The following RASIP1 variants were observed in gnomAD, a reference collection of about 807,000 sequenced individuals.
RASIP1 encodes Ras interacting protein 1, also known as ras-interacting protein 1.
In RASIP1, 20 loss-of-function variants were observed where a neutral mutation model predicts 85.3. The ratio of observed to expected loss-of-function variants is 0.23; its 90% CI spans 0.17 to 0.34. The LOEUF (loss-of-function observed/expected upper bound fraction) is 0.34, where lower values mean the gene tolerates loss of function less well. RASIP1 is among the 10% of genes least tolerant of loss of function. RASIP1 has a pLI of 1.00. For missense variants in RASIP1, 1,170 were observed against 1,390.9 expected, an observed-to-expected ratio of 0.84 and a Z score of 2.53; for synonymous variants, 617 against 647.1, an observed-to-expected ratio of 0.95 and a Z score of 0.71.
rs375784788 is a variant in RASIP1, at chr19:48,724,914, G to A, written c.2174C>T (p.Thr725Ile). The A allele has an allele frequency of 3.9e-5, 63 of 1,614,212 alleles. No homozygotes were observed. Among genetic ancestry groups the A allele is most frequent in the Non-Finnish European group, 5.1e-5 (60 of 1,180,036 alleles). ...LPALLDSNPFTAGAELPGPGA... is the reference protein window; with the variant it reads ...LPALLDSNPFIAGAELPGPGA... ...AGGCCCCGGCAGCTCTGCACCAGCTGTGAAAGGGTTACTATCCAGGAGAGC... is the reference window on the plus strand; with the variant it reads ...AGGCCCCGGCAGCTCTGCACCAGCTATGAAAGGGTTACTATCCAGGAGAGC... The change falls in exon 9 of 12, where the codon ACA becomes ATA. Residue 725 changes from threonine (T) to isoleucine (I), a missense_variant. Physicochemically the swap from Thr to Ile is moderately conservative, Grantham distance 89 (BLOSUM62 -1). Coordinates refer to ENST00000222145, the MANE Select transcript of RASIP1 (RefSeq NM_017805.3). The surrounding 1 kb of genome is among the most constrained non-coding windows in gnomAD (Gnocchi z 4.6).
chr19:48,737,244 C>T (rs2033589923), intron 3 of RASIP1, among the ~76,000 whole-genome samples: 1 of 152,182 alleles, frequency 6.6e-6, no homozygotes, highest in Non-Finnish European at 1.5e-5. Context: ...TAGGATTTTA[C>T]TGAGATTAAC....
In RASIP1 at chr19:48,721,914, C is replaced by A; in HGVS notation, c.2632G>T (p.Gly878Cys). The change falls in exon 11 of 12, where the codon GGC becomes TGC. Residue 878 changes from glycine to cysteine, a missense_variant. Gly to Cys is a radical substitution (Grantham distance 159). Around this residue, in one of 4 missense-constraint regions of RASIP1, gnomAD observed 144 missense variants for 125.5 expected, o/e 1.15. Coordinates refer to ENST00000222145, the MANE Select transcript of RASIP1 (RefSeq NM_017805.3). Reference sequence around the variant, plus strand: ...TCCCACGCGGCTGGCGGCCCGCGGCCAGGGCCCAGCTGATAGTGGCTGAGC... The same window carrying A: ...TCCCACGCGGCTGGCGGCCCGCGGCAAGGGCCCAGCTGATAGTGGCTGAGC... ...HLLSHYQLGP[G>C]RGPPAAWDPP... 1 of 1,602,454 alleles carries A rather than the reference C, an allele frequency of 6.2e-7. No individual in the cohort carries two copies. Among genetic ancestry groups the A allele is most frequent in the Admixed American group, 1.7e-5 (1 of 58,244 alleles).
At position 48,739,155 on chromosome 19, in the gene RASIP1, G is replaced by T; in HGVS notation, c.628C>A (p.Arg210=). 7.1e-7 allele frequency: 1 copy of T among 1,406,352 alleles called. No individual in the cohort carries two copies. The highest frequency in any genetic ancestry group is 9.2e-7 in the Non-Finnish European group (1 of 1,086,486). The allele number at this position is 1,406,352 out of a possible 1,614,324, so 87.1% of individuals were successfully genotyped here. A position where few individuals can be genotyped will look rare whatever the true frequency, so the allele number is the denominator to read the frequency against. ...CTTCCCACGCCCGCCGCCGCGGGCC[G>T]GCCCAGAGCGTCGCACAAAGCGAAG... ...DAFALCDALG[R]PAAAGVGSGE... Residue 210 remains arginine (R), a synonymous_variant, in exon 3 of 12, where the codon CGG becomes AGG. Transcript: ENST00000222145. This position sits in a 1 kb window ranked among gnomAD's most constrained non-coding sequence, Gnocchi z 9.2.
At chr19:48,725,124 T>G (rs2033321028) in intron 8 of RASIP1, 164 bp from the exon 9 acceptor site, 1 of 738,100 alleles carries the variant, frequency 1.4e-6, no homozygotes, top group Non-Finnish European at 2.2e-6. Flanking sequence ...AATCCCTACT[T>G]GATAGAAGGG....
At chr19:48,730,669 T>A (rs1231567628) in intron 4 of RASIP1, among the ~76,000 whole-genome samples, 1 of 152,086 alleles carries the variant, frequency 6.6e-6, no homozygotes, top group African/African-American at 2.4e-5. Flanking sequence ...CTTCCAGATA[T>A]ATTTCCCCTT....
intron 10 of RASIP1, among the ~76,000 whole-genome samples, chr19:48,722,937 G>A (rs1002013797): frequency 6.6e-6 from 1 of 152,158 alleles, no homozygotes; most frequent in East Asian, 1.9e-4. Flanking sequence ...CCATGCTGGA[G>A]TACAGTGGCA....
chr19:48,735,793 CTTTTTTT>C (rs113487965), intron 3 of RASIP1, among the ~76,000 whole-genome samples: 86 of 145,316 alleles, frequency 5.9e-4, no homozygotes, highest in African/African-American at 2.1e-3. Context: ...ATTTGTTCTT[CTTTTTTT>C]TTTTTTTTAT....
chr19:48,736,238 ACC>A (rs2033569516), intron 3 of RASIP1, among the ~76,000 whole-genome samples: 1 of 150,754 alleles, frequency 6.6e-6, no homozygotes, highest in Non-Finnish European at 1.5e-5. Context: ...ACACGGTGAA[ACC>A]CCGTCTCTAC....
chr19:48,724,518 G>GT lies in RASIP1; in HGVS notation c.2372-10dup. 1.9e-6 allele frequency: 3 copies of GT among 1,612,366 alleles called. No homozygotes were observed. The highest frequency in any genetic ancestry group is 2.5e-6 in the Non-Finnish European group (3 of 1,178,694). ...GAAAGGCCGGCCTTGACCTGTGGGT[G>GT]TTAAAGGTATGAGAGGCAGTTGGTT... On this transcript the variant is annotated splice_polypyrimidine_tract_variant and intron_variant, in intron 9 of 11. Transcript: ENST00000222145. The surrounding 1 kb of genome is among the most constrained non-coding windows in gnomAD (Gnocchi z 4.6).
Position 48,724,088 on chromosome 19 carries a change from G to A in RASIP1, c.2544+249C>T, listed in dbSNP as rs1189208754. Among the ~76,000 whole-genome samples, 1 of 152,216 alleles carries A rather than the reference G, an allele frequency of 6.6e-6. No homozygotes were observed. The highest frequency in any genetic ancestry group is 1.5e-5 in the Non-Finnish European group (1 of 68,036). On this transcript the variant is annotated intron_variant, in intron 10 of 11. Coordinates refer to ENST00000222145, the MANE Select transcript of RASIP1 (RefSeq NM_017805.3). This position sits in a 1 kb window ranked among gnomAD's most constrained non-coding sequence, Gnocchi z 4.6. ...CTCCCAAAGTGTTGGGATTATAGGC[G>A]CGAGCCACTGCTCCTGGCCTGGAAA...
At position 48,738,331 on chromosome 19, in the gene RASIP1, C is replaced by T. The variant is rs1457651246; in HGVS notation, c.823+629G>A. Among the ~76,000 whole-genome samples, 2 of 152,192 alleles carry T rather than the reference C, an allele frequency of 1.3e-5. No homozygotes were observed. The highest frequency in any genetic ancestry group is 3.8e-4 in the East Asian group (2 of 5,198). ...ATTGATTTCTCTTTCTCCTAATTGGCCCCAAGAGACCACATCAAAGGAGAG... is the reference window on the plus strand; with the variant it reads ...ATTGATTTCTCTTTCTCCTAATTGGTCCCAAGAGACCACATCAAAGGAGAG... On this transcript the variant is annotated intron_variant, in intron 3 of 11. Coordinates refer to ENST00000222145, the MANE Select transcript of RASIP1 (RefSeq NM_017805.3). This position sits in a 1 kb window ranked among gnomAD's most constrained non-coding sequence, Gnocchi z 4.0.
chr19:48,735,126 A>G (rs900022418), intron 4 of RASIP1, 70 bp downstream of exon 4: 4 of 1,396,218 alleles, frequency 2.9e-6, no homozygotes, highest in African/African-American at 1.4e-5. Context: ...TGGGAGTTGT[A>G]GTTTTGTTGC....
At position 48,724,215 on chromosome 19, in the gene RASIP1, G is replaced by T; in HGVS notation, c.2544+122C>A. The T allele has an allele frequency of 9.7e-7, 1 of 1,032,118 alleles. No homozygotes were observed. The highest frequency in any genetic ancestry group is 1.4e-6 in the Non-Finnish European group (1 of 713,324). 63.9% of individuals were successfully genotyped at this position (1,032,118 alleles called of 1,614,324 possible). A position where few individuals can be genotyped will look rare whatever the true frequency, so the allele number is the denominator to read the frequency against. ...CCAATGTGTTACCCACAGTGTCTGA[G>T]CTGGGGCTGGGGATGGCATGGGGTT... On this transcript the variant is annotated intron_variant, in intron 10 of 11. Transcript: ENST00000222145. This position sits in a 1 kb window ranked among gnomAD's most constrained non-coding sequence, Gnocchi z 4.6.
chr19:48,733,875 G>A (rs1429103559), intron 4 of RASIP1, among the ~76,000 whole-genome samples: 1 of 151,824 alleles, frequency 6.6e-6, no homozygotes, highest in Non-Finnish European at 1.5e-5. Context: ...TATCCAGAAC[G>A]TGATCCCAGG....
At position 48,738,820 on chromosome 19, in the gene RASIP1, T is replaced by A; in HGVS notation, c.823+140A>T. The A allele has an allele frequency of 7.7e-6, 8 of 1,041,404 alleles. No individual in the cohort carries two copies. Among genetic ancestry groups the A allele is most frequent in the Middle Eastern group, 7.5e-4 (2 of 2,674 alleles). The allele number at this position is 1,041,404 out of a possible 1,614,324, so 64.5% of individuals were successfully genotyped here. Reference sequence around the variant, plus strand: ...TCTGCCTAGAGTCCAACACGCACCGTCCAGTCCCCTCCCAGTCCCCTCCCG... The same window carrying A: ...TCTGCCTAGAGTCCAACACGCACCGACCAGTCCCCTCCCAGTCCCCTCCCG... On this transcript the variant is annotated intron_variant, in intron 3 of 11. Transcript: ENST00000222145. This position sits in a 1 kb window ranked among gnomAD's most constrained non-coding sequence, Gnocchi z 4.0.
At position 48,724,660 on chromosome 19, in the gene RASIP1, C is replaced by G. The variant is rs2033310495; in HGVS notation, c.2371+57G>C. On this transcript the variant is annotated intron_variant, in intron 9 of 11. Transcript: ENST00000222145. The surrounding 1 kb of genome is among the most constrained non-coding windows in gnomAD (Gnocchi z 4.6). The stretch of plus-strand genomic sequence containing the variant: ...TGAGCCCGTGGTGTGTCTAATATGA[C>G]CTGAGTCTCAGTGGCTCCTGTCTTT... 3 of 1,605,256 alleles carry G rather than the reference C, an allele frequency of 1.9e-6. No homozygotes were observed. In the South Asian group the frequency reaches 3.4e-5, roughly 18 times the overall value.
chr19:48,724,795 G>A lies in RASIP1; in HGVS notation c.2293C>T (p.Pro765Ser). ...CCAAAAGTCTGAGACACGAGGTCAG[G>A]GTGCAGCTCGCACTGGCTGGTCAGC... ...LELTSQCELH[P>S]DLVSQTFGYL... Residue 765 changes from proline (P) to serine (S), a missense_variant, in exon 9 of 12, where the codon CCT becomes TCT. Coordinates refer to ENST00000222145, the MANE Select transcript of RASIP1 (RefSeq NM_017805.3). This position sits in a 1 kb window ranked among gnomAD's most constrained non-coding sequence, Gnocchi z 4.6. The A allele has an allele frequency of 1.9e-6, 3 of 1,614,210 alleles. No homozygotes were observed. Among genetic ancestry groups the A allele is most frequent in the Non-Finnish European group, 2.5e-6 (3 of 1,180,040 alleles).
At chr19:48,729,819 A>G (rs1452474780) in intron 4 of RASIP1, among the ~76,000 whole-genome samples, 1 of 143,520 alleles carries the variant, frequency 7.0e-6, no homozygotes, top group Non-Finnish European at 1.5e-5. Context: ...AGTTCAAGCA[A>G]TTCTCCTGCC....
At position 48,721,890 on chromosome 19, in the gene RASIP1, C is replaced by A; in HGVS notation, c.2656G>T (p.Asp886Tyr). The change falls in exon 11 of 12, where the codon GAC becomes TAC. Residue 886 changes from aspartate to tyrosine, a missense_variant. Coordinates refer to ENST00000222145, the MANE Select transcript of RASIP1 (RefSeq NM_017805.3). ...GCCTCCCGCTCTGCAGGGGGAGGGT[C>A]CCACGCGGCTGGCGGCCCGCGGCCA... is the stretch of plus-strand genomic sequence containing the variant. ...GPGRGPPAAWDPPPAEREAVD... is the reference protein window; with the variant it reads ...GPGRGPPAAWYPPPAEREAVD... 2.5e-6 allele frequency: 4 copies of A among 1,606,728 alleles called. No homozygotes were observed. Among genetic ancestry groups the A allele is most frequent in the Non-Finnish European group, 3.4e-6 (4 of 1,176,746 alleles).
Sources: allele counts gnomAD v4.1 joint callset (sites outside exome capture counted in the v4.1 genomes callset), GRCh38; gene constraint gnomAD v4.1.1; regional missense constraint gnomAD v4.1.1; non-coding constraint Gnocchi (gnomAD v3.1); transcripts MANE v1.5; gene names NCBI Gene and HGNC (gene_info 2026-07-23, HGNC 2026-07-21).